Variants in PCK2 observed in about 807,000 individuals in gnomAD.
PCK2 encodes the protein phosphoenolpyruvate carboxykinase 2, mitochondrial.
Under a neutral mutation model 65.9 loss-of-function variants are expected in PCK2, and 56 were observed. That is an observed-to-expected ratio of 0.85 (90% CI 0.69 to 1.06). The LOEUF is 1.06. Among genes scored for constraint, PCK2 ranks in the 50% least tolerant of loss-of-function variants. PCK2 has a pLI of 0.00. For missense variants in PCK2, 843 were observed against 863.1 expected (o/e 0.98, Z 0.29); for synonymous variants, 305 against 319.6 (o/e 0.95, Z 0.49).
In PCK2 at chr14:24,099,895, G is replaced by T. The variant is rs781207704; in HGVS notation, c.1016-100G>T. 3.7e-6 allele frequency: 6 copies of T among 1,605,996 alleles called. No individual in the cohort carries two copies. The East Asian group carries it at 1.1e-4, about 30-fold the overall frequency. On this transcript the variant is annotated intron_variant, in intron 6 of 9. Transcript: ENST00000216780. The stretch of plus-strand genomic sequence containing the variant: ...ACAGCCTTTCCTCATCAGATCTTGG[G>T]TCCATCTCAGGACAGGGGTGGGTGG...
At chr14:24,095,872 C>T (rs1375041948) in intron 1 of PCK2, among the ~76,000 whole-genome samples, 2 of 152,152 alleles carry the variant, frequency 1.3e-5, no homozygotes, top group Non-Finnish European at 2.9e-5. Context: ...GTCAACCTTC[C>T]GCAGAGTTCA....
At chr14:24,103,045 GA>G in intron 8 of PCK2, 114 bp from the exon 9 acceptor site, 1 of 1,198,250 alleles carries the variant, frequency 8.3e-7, no homozygotes, top group Non-Finnish European at 1.2e-6. Context: ...CAAAGGGTCT[GA>G]AAATGGGATA....
intron 5 of PCK2, 59 bp downstream of exon 5, chr14:24,099,295 C>T: frequency 6.7e-7 from 1 of 1,491,364 alleles, no homozygotes; most frequent in East Asian, 2.3e-5. Flanking sequence ...TGGGGCCTGG[C>T]CAGTCTGCCT....
Position 24,097,112 on chromosome 14 carries a change from C to T in PCK2, c.250C>T (p.Arg84Ter), listed in dbSNP as rs202159394. 1.7e-5 allele frequency: 28 copies of T among 1,613,812 alleles called. No homozygotes were observed. Among genetic ancestry groups the T allele is most frequent in the Admixed American group, 1.3e-4 (8 of 60,002 alleles). The change falls in exon 2 of 10, where the codon CGA (arginine) becomes TGA (stop). Residue 84 changes from arginine to a stop codon, truncating the protein, a stop_gained. Transcript: ENST00000216780. LOFTEE classifies it high-confidence loss of function. ...LTLLEQQGLI[R>*]KLPKYNNCWL... ...CCTGCTGGAGCAGCAGGGCCTCATC[C>T]GAAAGCTCCCCAAGTACAATAACTG...
intron 2 of PCK2, among the ~76,000 whole-genome samples, chr14:24,097,680 G>T (rs1286417711): frequency 6.6e-6 from 1 of 151,422 alleles, no homozygotes; most frequent in East Asian, 1.9e-4. Context: ...CTCTGCCTCC[G>T]GGGAATTGTC....
At chr14:24,096,029 AC>A (rs933764046) in intron 1 of PCK2, among the ~76,000 whole-genome samples, 1 of 152,118 alleles carries the variant, frequency 6.6e-6, no homozygotes, top group East Asian at 1.9e-4. Context: ...AAAGACTGTG[AC>A]CTTTGCTTGG....
At position 24,098,603 on chromosome 14, in the gene PCK2, C is replaced by T. The variant is rs2037009629; in HGVS notation, c.589C>T (p.Pro197Ser). ...SMRIMTRLGT[P>S]VLQALGDGDF... ...GCGTATTATGACCCGACTGGGGACA[C>T]CTGTGCTTCAGGCCCTGGGAGATGG... Residue 197 changes from proline to serine, a missense_variant, in exon 4 of 10, where the codon CCT becomes TCT. Coordinates refer to ENST00000216780, the MANE Select transcript of PCK2 (RefSeq NM_004563.4). 5 of 1,613,982 alleles carry T rather than the reference C, an allele frequency of 3.1e-6. No individual in the cohort carries two copies. The highest frequency in any genetic ancestry group is 1.3e-5 in the African/African-American group (1 of 74,928).
In PCK2 at chr14:24,099,642, A is replaced by G. The variant is rs1176500889; in HGVS notation, c.937A>G (p.Met313Val). ...TGCCTGTGGCAAGACCAACCTGGCT[A>G]TGATGCGGCCTGCACTGCCAGGCTG... ...PSACGKTNLAMMRPALPGWKV... is the reference protein window; with the variant it reads ...PSACGKTNLAVMRPALPGWKV... The change falls in exon 6 of 10, where the codon ATG becomes GTG. Residue 313 changes from methionine to valine, a missense_variant. Coordinates refer to ENST00000216780, the MANE Select transcript of PCK2 (RefSeq NM_004563.4). 5 of 1,614,094 alleles carry G rather than the reference A, an allele frequency of 3.1e-6. No individual in the cohort carries two copies. Among genetic ancestry groups the G allele is most frequent in the Admixed American group, 1.7e-5 (1 of 60,024 alleles).
intron 5 of PCK2, 63 bp from the exon 6 acceptor site, chr14:24,099,495 C>T: frequency 6.8e-7 from 1 of 1,462,014 alleles, no homozygotes; most frequent in Non-Finnish European, 9.3e-7. Context: ...TGCCCTTCCC[C>T]ATGCAGACCA....
At chr14:24,099,405 C>T (rs1343776965) in intron 5 of PCK2, among the ~76,000 whole-genome samples, 153 bp from the exon 6 acceptor site, 2 of 152,240 alleles carry the variant, frequency 1.3e-5, no homozygotes, top group Non-Finnish European at 2.9e-5. Context: ...TGAGGTTTCC[C>T]CTGCCACTAA....
Position 24,100,040 on chromosome 14 carries a change from C to T in PCK2, c.1061C>T (p.Ala354Val), listed in dbSNP as rs200733907. The T allele has an allele frequency of 1.6e-5, 26 of 1,613,770 alleles. No homozygotes were observed. In the African/African-American group the frequency reaches 2.5e-4, roughly 16 times the overall value. The change falls in exon 7 of 10, where the codon GCC (alanine) becomes GTC (valine). Residue 354 changes from alanine (A) to valine (V), a missense_variant. Coordinates refer to ENST00000216780, the MANE Select transcript of PCK2 (RefSeq NM_004563.4). ...INPENGFFGV[A>V]PGTSATTNPN... is the part of the protein sequence containing the mutation. ...CCTGAGAACGGCTTCTTTGGGGTTG[C>T]CCCTGGTACCTCTGCCACCACCAAT... is the stretch of plus-strand genomic sequence containing the variant.
At chr14:24,102,386 C>T (rs116558989) in intron 7 of PCK2, among the ~76,000 whole-genome samples, 1 of 152,202 alleles carries the variant, frequency 6.6e-6, no homozygotes, top group Non-Finnish European at 1.5e-5. Context: ...AATAATCTCA[C>T]AAATAATGAA....
chr14:24,098,806 G>A, intron 4 of PCK2, 128 bp downstream of exon 4: 1 of 819,942 alleles, frequency 1.2e-6, no homozygotes, highest in Non-Finnish European at 2.0e-6. Context: ...AAGATCCAGA[G>A]CAGCAGTCCC....
chr14:24,097,111 C>G lies in PCK2; in HGVS notation c.249C>G (p.Ile83Met). The G allele has an allele frequency of 6.2e-7, 1 of 1,613,916 alleles. No homozygotes were observed. Among genetic ancestry groups the G allele is most frequent in the Non-Finnish European group, 8.5e-7 (1 of 1,179,904 alleles). The change falls in exon 2 of 10, where the codon ATC (isoleucine) becomes ATG (methionine). Residue 83 changes from isoleucine to methionine, a missense_variant. Ile to Met is a conservative substitution (Grantham distance 10). Transcript: ENST00000216780. ...CCCTGCTGGAGCAGCAGGGCCTCAT[C>G]CGAAAGCTCCCCAAGTACAATAACT... ...TLTLLEQQGLIRKLPKYNNCW... is the reference protein window; with the variant it reads ...TLTLLEQQGLMRKLPKYNNCW...
intron 1 of PCK2, chr14:24,095,409 G>T (rs978276702): frequency 2.8e-6 from 1 of 362,928 alleles, no homozygotes; most frequent in Non-Finnish European, 5.5e-6. Flanking sequence ...CTGCCCCTGG[G>T]GCCACACTGA....
chr14:24,094,590 C>A lies in PCK2; in HGVS notation c.29+156C>A. The A allele has an allele frequency of 6.9e-7, 1 of 1,451,762 alleles. No homozygotes were observed. Among genetic ancestry groups the A allele is most frequent in the Non-Finnish European group, 9.0e-7 (1 of 1,105,572 alleles). The allele number at this position is 1,451,762 out of a possible 1,614,324, so 89.9% of individuals were successfully genotyped here. A position where few individuals can be genotyped will look rare whatever the true frequency, so the allele number is the denominator to read the frequency against. On this transcript the variant is annotated intron_variant, in intron 1 of 9. Transcript: ENST00000216780. This position sits in a 1 kb window ranked among gnomAD's most constrained non-coding sequence, Gnocchi z 4.1. Reference sequence around the variant, plus strand: ...CTGCTGTGGGTCCAGCCTCCCGCGCCGCGCGTCTCTTGGGAGGGCAGCCGG... The same window carrying A: ...CTGCTGTGGGTCCAGCCTCCCGCGCAGCGCGTCTCTTGGGAGGGCAGCCGG...
chr14:24,094,442 AC>A lies in PCK2; in HGVS notation c.29+13del. On this transcript the variant is annotated intron_variant, in intron 1 of 9. Transcript: ENST00000216780. The surrounding 1 kb of genome is among the most constrained non-coding windows in gnomAD (Gnocchi z 4.1). ...GTACCGCCCTGGCCTGCGGTGAGTG[AC>A]CCCCGGCCCGGGGCCCACCCGCACC... 5 of 1,540,120 alleles carry A rather than the reference AC, an allele frequency of 3.2e-6. No individual in the cohort carries two copies. The highest frequency in any genetic ancestry group is 4.1e-5 in the Admixed American group (2 of 48,776).
chr14:24,094,336 C>T lies in PCK2; in HGVS notation c.-70C>T. The T allele has an allele frequency of 6.9e-7, 1 of 1,447,918 alleles. No individual in the cohort carries two copies. Among genetic ancestry groups the T allele is most frequent in the South Asian group, 1.2e-5 (1 of 82,034 alleles). 89.7% of individuals were successfully genotyped at this position (1,447,918 alleles called of 1,614,324 possible). On this transcript the variant is annotated 5_prime_UTR_variant, in exon 1 of 10. Transcript: ENST00000216780. The surrounding 1 kb of genome is among the most constrained non-coding windows in gnomAD (Gnocchi z 4.1). ...GTGGCTCGCTTCGCCGCGCTCCCTC[C>T]TTCCCCGCCTTCCATACCTCCCCGG...
chr14:24,098,214 G>C lies in PCK2; in HGVS notation c.287G>C (p.Arg96Pro). ...CCCCTCTCCCCCAGCTGGCTGGCCC[G>C]CACAGACCCCAAGGATGTGGCACGA... ...LPKYNNCWLA[R>P]TDPKDVARVE... The change falls in exon 3 of 10, where the codon CGC becomes CCC. Residue 96 changes from arginine to proline, a missense_variant. Coordinates refer to ENST00000216780, the MANE Select transcript of PCK2 (RefSeq NM_004563.4). The C allele has an allele frequency of 6.2e-7, 1 of 1,609,058 alleles. No individual in the cohort carries two copies. Among genetic ancestry groups the C allele is most frequent in the Non-Finnish European group, 8.5e-7 (1 of 1,176,618 alleles).
Sources: allele counts gnomAD v4.1 joint callset (sites outside exome capture counted in the v4.1 genomes callset), GRCh38; gene constraint gnomAD v4.1.1; non-coding constraint Gnocchi (gnomAD v3.1); transcripts MANE v1.5; gene names NCBI Gene and HGNC (gene_info 2026-07-23, HGNC 2026-07-21).